The following MYO3B variants were observed in gnomAD, a reference collection of about 807,000 sequenced individuals.
The protein encoded by MYO3B is myosin IIIB.
MYO3B carries 156 observed loss-of-function variants against 174.6 expected under a neutral mutation model. The observed-to-expected ratio is 0.89, with a 90% CI of 0.78 to 1.02. MYO3B has a LOEUF of 1.02. MYO3B is among the 50% of genes least tolerant of loss of function. The pLI, the probability that MYO3B is intolerant of heterozygous loss-of-function variation, is 0.00. For synonymous variants in MYO3B, 563 were observed against 569.1 expected, an observed-to-expected ratio of 0.99 and a Z score of 0.15; for missense variants, 1,632 against 1,639.4, an observed-to-expected ratio of 1.00 and a Z score of 0.08.
At chr2:170,278,682 C>A (rs370154367) in intron 7 of MYO3B, among the ~76,000 whole-genome samples, 3 of 152,124 alleles carry the variant, frequency 2.0e-5, no homozygotes. Context: ...AACCCTACTC[C>A]ACTACCAAAC....
intron 22 of MYO3B, among the ~76,000 whole-genome samples, chr2:170,437,492 C>T (rs1044413841): frequency 6.6e-6 from 1 of 152,056 alleles, no homozygotes; most frequent in Non-Finnish European, 1.5e-5. Context: ...AGAAAAGAAG[C>T]GTCTTTATCT....
chr2:170,235,970 T>A (rs377670659), intron 6 of MYO3B, 21 bp from the exon 7 acceptor site: 1 of 1,613,578 alleles, frequency 6.2e-7, no homozygotes, highest in Non-Finnish European at 8.5e-7. Context: ...TGATGTGTCA[T>A]GTCCTGCTTT....
chr2:170,473,841 A>G (rs887429186), intron 25 of MYO3B, among the ~76,000 whole-genome samples: 5 of 152,054 alleles, frequency 3.3e-5, no homozygotes, highest in African/African-American at 9.7e-5. Context: ...TCATCTCCCC[A>G]TCTCTCAGCT....
At chr2:170,348,913 C>CTGGG (rs1235601506) in intron 8 of MYO3B, among the ~76,000 whole-genome samples, 1 of 152,170 alleles carries the variant, frequency 6.6e-6, no homozygotes, top group African/African-American at 2.4e-5. Flanking sequence ...CCAAGTGTTT[C>CTGGG]TGGGTGATGA....
intron 32 of MYO3B, among the ~76,000 whole-genome samples, chr2:170,646,050 T>C (rs1030691281): frequency 2.6e-5 from 4 of 152,102 alleles, no homozygotes; most frequent in Non-Finnish European, 5.9e-5. Flanking sequence ...GGCAGGTGGA[T>C]CACCTGAGGT....
At position 170,546,882 on chromosome 2, in the gene MYO3B, C is replaced by G. The variant is rs115972572; in HGVS notation, c.3733+2894C>G. On this transcript the variant is annotated intron_variant, in intron 32 of 34. Transcript: ENST00000408978. ...TCTAACTTGCAGTGAGGCCTAACTT[C>G]GTTATTCTATGAAGGGGTCTGGTGA... is the stretch of plus-strand genomic sequence containing the variant. 4.4e-3 allele frequency among the ~76,000 whole-genome samples: 670 copies of G among 152,188 alleles called. 4 individuals carry two copies. The highest frequency in any genetic ancestry group is 7.0e-3 in the Non-Finnish European group (477 of 68,010).
At chr2:170,596,201 T>A (rs80256257) in intron 32 of MYO3B, among the ~76,000 whole-genome samples, 19,882 of 152,030 alleles carry the variant, frequency 0.13, 1,439 homozygotes, top group South Asian at 0.23. Flanking sequence ...GGAAAAAAAA[T>A]TTGAAGTACT....
intron 32 of MYO3B, among the ~76,000 whole-genome samples, chr2:170,611,943 G>C (rs182273199): frequency 2.9e-4 from 44 of 152,212 alleles, no homozygotes; most frequent in African/African-American, 8.9e-4. Context: ...GCCCAAAAAT[G>C]CTTCTCAAAA....
intron 23 of MYO3B, among the ~76,000 whole-genome samples, chr2:170,450,498 T>C (rs1001620542): frequency 6.6e-6 from 1 of 152,012 alleles, no homozygotes; most frequent in Non-Finnish European, 1.5e-5. Flanking sequence ...GAGACTCAGC[T>C]TTCTAGACAA....
intron 7 of MYO3B, among the ~76,000 whole-genome samples, chr2:170,310,888 G>A (rs2093734778): frequency 2.0e-5 from 3 of 151,950 alleles, no homozygotes; most frequent in Admixed American, 6.6e-5. Context: ...TAATGTTAAC[G>A]CCAGAGATGT....
At chr2:170,413,131 A>G (rs1018079325) in intron 22 of MYO3B, among the ~76,000 whole-genome samples, 3 of 152,250 alleles carry the variant, frequency 2.0e-5, no homozygotes, top group African/African-American at 7.2e-5. Context: ...GTGAAGCAAT[A>G]TAACAACTAT....
At chr2:170,457,110 A>G (rs747719524) in intron 23 of MYO3B, among the ~76,000 whole-genome samples, 2 of 152,188 alleles carry the variant, frequency 1.3e-5, no homozygotes, top group Non-Finnish European at 1.5e-5. Flanking sequence ...TGCACTTACC[A>G]TGAATGGAGC....
At position 170,543,939 on chromosome 2, in the gene MYO3B, T is replaced by C. The variant is rs56181206; in HGVS notation, c.3684T>C (p.Pro1228=). ...TGCTGTCTTCTCGGATATGCCATCC[T>C]GCTCCAGATCAGCAAGGATTGAGTC... The part of the protein sequence containing the change: ...TDLLSSRICH[P]APDQQGLSLW... The change falls in exon 32 of 35, where the codon CCT becomes CCC. Residue 1228 remains proline (P), a synonymous_variant. Transcript: ENST00000408978. 0.027 allele frequency: 43,024 copies of C among 1,613,258 alleles called. 709 individuals carry two copies. The highest frequency in any genetic ancestry group is 0.032 in the Non-Finnish European group (37,988 of 1,179,286).
chr2:170,556,094 G>A (rs1281077222), intron 32 of MYO3B, among the ~76,000 whole-genome samples: 1 of 151,980 alleles, frequency 6.6e-6, no homozygotes, highest in Admixed American at 6.6e-5. Context: ...TACTCAGGAG[G>A]CTGAGGCAGG....
At chr2:170,633,821 AACAG>A (rs1034174763) in intron 32 of MYO3B, among the ~76,000 whole-genome samples, 5 of 152,222 alleles carry the variant, frequency 3.3e-5, no homozygotes, top group Non-Finnish European at 7.3e-5. Flanking sequence ...ATACACCAGT[AACAG>A]ACAAACAGAG....
intron 7 of MYO3B, among the ~76,000 whole-genome samples, chr2:170,266,792 G>C (rs1334239307): frequency 6.6e-6 from 1 of 152,202 alleles, no homozygotes; most frequent in African/African-American, 2.4e-5. Flanking sequence ...TGGCAATAGA[G>C]TGAAACAGTG....
intron 7 of MYO3B, among the ~76,000 whole-genome samples, chr2:170,262,668 T>A (rs1272269754): frequency 6.6e-6 from 1 of 152,156 alleles, no homozygotes; most frequent in Admixed American, 6.5e-5. Context: ...TGGGTAGATA[T>A]GCGTCCATGG....
rs1354898977 is a variant in MYO3B, at chr2:170,405,557, A to G, written c.2444A>G (p.Asp815Gly). The G allele has an allele frequency of 6.2e-7, 1 of 1,614,182 alleles. No individual in the cohort carries two copies. The highest frequency in any genetic ancestry group is 1.7e-5 in the Admixed American group (1 of 60,032). ...TDQTLVDKFE[D>G]NLRCKYFWRP... is the part of the protein sequence containing the mutation. ...AAAATCCACACAGATAAATTTGAAG[A>G]TAATCTACGATGCAAATACTTCTGG... is the stretch of plus-strand genomic sequence containing the variant. The change falls in exon 21 of 35, where the codon GAT becomes GGT. Residue 815 changes from aspartate to glycine, a missense_variant. Asp to Gly is a moderately conservative substitution (Grantham distance 94, BLOSUM62 -1). Coordinates refer to ENST00000408978, the MANE Select transcript of MYO3B (RefSeq NM_138995.5).
intron 32 of MYO3B, among the ~76,000 whole-genome samples, chr2:170,599,948 T>C (rs1422598577): frequency 6.6e-6 from 1 of 152,134 alleles, no homozygotes; most frequent in Non-Finnish European, 1.5e-5. Context: ...CTAGGATTTA[T>C]CTAGAAAAAA....
Sources: allele counts gnomAD v4.1 joint callset (sites outside exome capture counted in the v4.1 genomes callset), GRCh38; gene constraint gnomAD v4.1.1; transcripts MANE v1.5; gene names NCBI Gene and HGNC (gene_info 2026-07-23, HGNC 2026-07-21).